The following ITFG1 variants were observed in gnomAD, a reference collection of about 807,000 sequenced individuals.
ITFG1 encodes the protein integrin alpha FG-GAP repeat containing 1.
ITFG1 carries 34 observed loss-of-function variants against 81.8 expected under a neutral mutation model. The ratio of observed to expected loss-of-function variants is 0.42; its 90% CI spans 0.32 to 0.55. ITFG1 has a LOEUF of 0.55. ITFG1 is among the 20% of genes least tolerant of loss of function. The pLI is 0.17. For missense variants in ITFG1, 672 were observed against 755.4 expected, an observed-to-expected ratio of 0.89 and a Z score of 1.29; for synonymous variants, 285 against 270.6, an observed-to-expected ratio of 1.05 and a Z score of -0.52.
rs1219594338 is a variant in ITFG1, at chr16:47,428,812, A to C, written c.647T>G (p.Phe216Cys). The C allele has an allele frequency of 6.2e-7, 1 of 1,606,068 alleles. No individual in the cohort carries two copies. The highest frequency in any genetic ancestry group is 1.3e-5 in the African/African-American group (1 of 74,922). Residue 216 changes from phenylalanine (F) to cysteine (C), a missense_variant, in exon 6 of 18, where the codon TTT (phenylalanine) becomes TGT (cysteine). Physicochemically the swap from Phe to Cys is radical, Grantham distance 205. Around this residue, in one of 3 missense-constraint regions of ITFG1, gnomAD observed 560 missense variants for 625.7 expected, o/e 0.90. Coordinates refer to ENST00000320640, the MANE Select transcript of ITFG1 (RefSeq NM_030790.5). ...ATTTATGTGCAACTCACCTGCTGTA[A>C]AATCTTCAGTCAGATCAATAAATGC... is the stretch of plus-strand genomic sequence containing the variant. ...SHAFIDLTED[F>C]TADLFLTTLN... is the part of the protein sequence containing the mutation.
At chr16:47,182,386 CAAA>C (rs34527674) in intron 14 of ITFG1, among the ~76,000 whole-genome samples, 1 of 133,680 alleles carries the variant, frequency 7.5e-6, no homozygotes, top group African/African-American at 2.7e-5. Flanking sequence ...AGGTGGCTCT[CAAA>C]AAAAAAAAAA....
chr16:47,439,760 G>A (rs1969220455), intron 5 of ITFG1, among the ~76,000 whole-genome samples: 1 of 152,152 alleles, frequency 6.6e-6, no homozygotes, highest in Non-Finnish European at 1.5e-5. Flanking sequence ...ATGAAGGTTA[G>A]GAAGAAACTG....
intron 13 of ITFG1, among the ~76,000 whole-genome samples, chr16:47,229,193 A>C (rs926855512): frequency 2.6e-5 from 4 of 152,308 alleles, no homozygotes; most frequent in Middle Eastern, 3.4e-3. Flanking sequence ...TAGTAGGACT[A>C]GGCATAGGGT....
chr16:47,453,925 T>C, intron 3 of ITFG1, 88 bp downstream of exon 3: 1 of 849,662 alleles, frequency 1.2e-6, no homozygotes, highest in Admixed American at 2.9e-5. Flanking sequence ...CCAAGAACAG[T>C]ATTTTTGAAC....
Position 47,161,769 on chromosome 16 carries a change from G to A in ITFG1, c.1642C>T (p.Pro548Ser). ...CATTACCTTCGAGGGACATTGTGAGGGTATGGAATGACAATTAGCTGGGAA... is the reference window on the plus strand; with the variant it reads ...CATTACCTTCGAGGGACATTGTGAGAGTATGGAATGACAATTAGCTGGGAA... ...PNSQLIVIPYPHNVPRSWSAK... is the reference protein window; with the variant it reads ...PNSQLIVIPYSHNVPRSWSAK... Residue 548 changes from proline to serine, a missense_variant, in exon 16 of 18, where the codon CCT (proline) becomes TCT (serine). Transcript: ENST00000320640. 1 of 1,609,644 alleles carries A rather than the reference G, an allele frequency of 6.2e-7. No individual in the cohort carries two copies. The highest frequency in any genetic ancestry group is 8.5e-7 in the Non-Finnish European group (1 of 1,176,178).
chr16:47,353,641 C>A (rs1967998263), intron 8 of ITFG1, among the ~76,000 whole-genome samples: 2 of 151,874 alleles, frequency 1.3e-5, no homozygotes, highest in South Asian at 4.2e-4. Flanking sequence ...TCTTATATAA[C>A]CCTAGACTCC....
chr16:47,339,590 A>G (rs1967753774), intron 8 of ITFG1, among the ~76,000 whole-genome samples: 1 of 152,206 alleles, frequency 6.6e-6, no homozygotes. Flanking sequence ...AAAGTTCCCT[A>G]GAAATGGGGG....
At chr16:47,340,907 G>A (rs1967772843) in intron 8 of ITFG1, among the ~76,000 whole-genome samples, 1 of 152,198 alleles carries the variant, frequency 6.6e-6, no homozygotes, top group African/African-American at 2.4e-5. Context: ...ATTGTATAAT[G>A]ACTAAAAGGA....
chr16:47,370,585 C>T (rs1042723514), intron 7 of ITFG1, among the ~76,000 whole-genome samples: 2 of 152,234 alleles, frequency 1.3e-5, no homozygotes, highest in African/African-American at 4.8e-5. Flanking sequence ...CACTATGCTC[C>T]CGTTGTCCAA....
At chr16:47,184,605 C>A (rs1965184221) in intron 14 of ITFG1, among the ~76,000 whole-genome samples, 7 of 151,852 alleles carry the variant, frequency 4.6e-5, no homozygotes, top group Admixed American at 2.6e-4. Context: ...ACCAGGCCTG[C>A]CCTAAAAGAG....
Position 47,314,210 on chromosome 16 carries a change from A to G in ITFG1, c.803-387T>C, listed in dbSNP as rs183105727. ...TGAAATTATAAAAAGAAAAATGTAT[A>G]GTGTTGGTAAGAGACCCCATTTCAG... is the stretch of plus-strand genomic sequence containing the variant. On this transcript the variant is annotated intron_variant, in intron 8 of 17. Coordinates refer to ENST00000320640, the MANE Select transcript of ITFG1 (RefSeq NM_030790.5). Among the ~76,000 whole-genome samples, 3 of 152,316 alleles carry G rather than the reference A, an allele frequency of 2.0e-5. No individual in the cohort carries two copies. In the East Asian group the frequency reaches 5.8e-4, roughly 29 times the overall value.
At chr16:47,199,269 C>CCCAAACCAAACCAAA (rs138629856) in intron 14 of ITFG1, among the ~76,000 whole-genome samples, 1,967 of 150,736 alleles carry the variant, frequency 0.013, 45 homozygotes, top group African/African-American at 0.042. Context: ...TCCAAAAAAA[C>CCCAAACCAAACCAAA]CCAAACCAAA....
At chr16:47,235,271 T>C (rs1473575985) in intron 13 of ITFG1, among the ~76,000 whole-genome samples, 1 of 151,928 alleles carries the variant, frequency 6.6e-6, no homozygotes, top group Non-Finnish European at 1.5e-5. Context: ...TTAAAGGTAC[T>C]GGCAGAAGTA....
intron 8 of ITFG1, among the ~76,000 whole-genome samples, chr16:47,327,391 A>T (rs1051507006): frequency 3.3e-5 from 5 of 152,296 alleles, no homozygotes; most frequent in Admixed American, 2.6e-4. Flanking sequence ...AACCTAGGCA[A>T]TACCATTCAG....
chr16:47,359,191 T>C (rs1489778481), intron 8 of ITFG1, among the ~76,000 whole-genome samples: 1 of 152,192 alleles, frequency 6.6e-6, no homozygotes, highest in Non-Finnish European at 1.5e-5. Context: ...GGACATGCGC[T>C]CCTTCATTTA....
chr16:47,347,015 A>C (rs1029771046), intron 8 of ITFG1, among the ~76,000 whole-genome samples: 1 of 152,234 alleles, frequency 6.6e-6, no homozygotes, highest in Non-Finnish European at 1.5e-5. Flanking sequence ...TCAACAAAAC[A>C]CTGGCAAACC....
chr16:47,234,917 T>G (rs1965857012), intron 13 of ITFG1, among the ~76,000 whole-genome samples: 1 of 152,118 alleles, frequency 6.6e-6, no homozygotes, highest in South Asian at 2.1e-4. Flanking sequence ...GATCTGATGG[T>G]TTTATAAGCA....
chr16:47,441,718 A>G (rs1207499700), intron 5 of ITFG1, among the ~76,000 whole-genome samples: 1 of 151,878 alleles, frequency 6.6e-6, no homozygotes, highest in Non-Finnish European at 1.5e-5. Context: ...CCCACAGCCA[A>G]TATCATACTG....
At chr16:47,182,668 A>G (rs1278407243) in intron 14 of ITFG1, among the ~76,000 whole-genome samples, 1 of 152,248 alleles carries the variant, frequency 6.6e-6, no homozygotes, top group East Asian at 1.9e-4. Flanking sequence ...TATAGCAAAC[A>G]GTATCATCTA....
Sources: allele counts gnomAD v4.1 joint callset (sites outside exome capture counted in the v4.1 genomes callset), GRCh38; gene constraint gnomAD v4.1.1; regional missense constraint gnomAD v4.1.1; transcripts MANE v1.5; gene names NCBI Gene and HGNC (gene_info 2026-07-23, HGNC 2026-07-21).